Variants in ASIC2 observed in about 807,000 individuals in gnomAD.
The protein encoded by ASIC2 is acid sensing ion channel subunit 2.
A neutral mutation model predicts 57.3 loss-of-function variants in ASIC2; 25 were observed. The observed-to-expected ratio is 0.44, with a 90% CI of 0.32 to 0.61. The LOEUF (loss-of-function observed/expected upper bound fraction) is 0.61, where lower values mean the gene tolerates loss of function less well. Among genes scored for constraint, ASIC2 ranks in the 20% least tolerant of loss-of-function variants. ASIC2 has a pLI of 0.06. For synonymous variants in ASIC2, 319 were observed against 307.5 expected (o/e 1.04, Z -0.39); for missense variants, 641 against 738.1 (o/e 0.87, Z 1.52).
intron 1 of ASIC2, among the ~76,000 whole-genome samples, chr17:33,751,326 C>T (rs1910424688): frequency 6.6e-6 from 1 of 152,246 alleles, no homozygotes; most frequent in South Asian, 2.1e-4. Flanking sequence ...AGTGGCACTG[C>T]CAGGAATTGT....
intron 1 of ASIC2, among the ~76,000 whole-genome samples, chr17:33,491,346 A>G (rs2141934561): frequency 6.6e-6 from 1 of 152,262 alleles, no homozygotes; most frequent in African/African-American, 2.4e-5. Flanking sequence ...ACTTGTCAAG[A>G]GGATTTACCA....
intron 1 of ASIC2, among the ~76,000 whole-genome samples, chr17:33,579,548 A>T (rs1244500233): frequency 6.6e-6 from 1 of 152,106 alleles, no homozygotes; most frequent in Non-Finnish European, 1.5e-5. Flanking sequence ...TGCCTTCAAG[A>T]ATGAAAGGGC....
At chr17:33,907,343 T>C (rs317349) in intron 1 of ASIC2, among the ~76,000 whole-genome samples, 33,371 of 152,182 alleles carry the variant, frequency 0.22, 3,882 homozygotes, top group East Asian at 0.39. Flanking sequence ...ACAGACATCC[T>C]GAAAGATTGG....
At chr17:34,130,804 C>T (rs1911930318) in intron 1 of ASIC2, among the ~76,000 whole-genome samples, 1 of 152,198 alleles carries the variant, frequency 6.6e-6, no homozygotes, top group African/African-American at 2.4e-5. Context: ...TCAACAAATG[C>T]TTTTTGAAAT....
chr17:33,287,612 C>CAGCTGCAACAAAGAGAGG (rs1905249289), intron 1 of ASIC2, among the ~76,000 whole-genome samples: 1 of 152,210 alleles, frequency 6.6e-6, no homozygotes, highest in Non-Finnish European at 1.5e-5. Flanking sequence ...AACTCTTGCA[C>CAGCTGCAACAAAGAGAGG]AGCTGCAACA....
In ASIC2 at chr17:33,816,172, G is replaced by C. The variant is rs570330197; in HGVS notation, c.555+339806C>G. On this transcript the variant is annotated intron_variant, in intron 1 of 9. Coordinates refer to the ASIC2 transcript ENST00000359872. ...CTGAGTAGGAGCTCACCAACTGAAGGGGGGGCGGGTGGGGTAGAGAAAGTT... is the reference window on the plus strand; with the variant it reads ...CTGAGTAGGAGCTCACCAACTGAAGCGGGGGCGGGTGGGGTAGAGAAAGTT... 4.7e-5 allele frequency among the ~76,000 whole-genome samples: 7 copies of C among 148,232 alleles called. No homozygotes were observed. The South Asian group carries it at 1.5e-3, about 31-fold the overall frequency.
At chr17:33,638,904 C>T (rs1267257010) in intron 1 of ASIC2, among the ~76,000 whole-genome samples, 1 of 151,982 alleles carries the variant, frequency 6.6e-6, no homozygotes, top group African/African-American at 2.4e-5. Flanking sequence ...GTTGCAAAAC[C>T]TTCAAGGCCT....
intron 1 of ASIC2, among the ~76,000 whole-genome samples, chr17:34,148,071 G>A (rs1394647882): frequency 6.6e-6 from 1 of 152,152 alleles, no homozygotes; most frequent in African/African-American, 2.4e-5. Context: ...GAGGAAAAGA[G>A]AACTACAATA....
At chr17:33,638,495 C>A (rs188594048) in intron 1 of ASIC2, among the ~76,000 whole-genome samples, 3 of 152,050 alleles carry the variant, frequency 2.0e-5, no homozygotes, top group African/African-American at 4.8e-5. Context: ...TGTTGTCTGC[C>A]GAGGATGTAA....
intron 1 of ASIC2, among the ~76,000 whole-genome samples, chr17:33,673,658 G>A (rs1214130526): frequency 4.6e-5 from 7 of 151,854 alleles, no homozygotes; most frequent in Non-Finnish European, 4.4e-5. Flanking sequence ...TGAGATCCTC[G>A]CCCAGTCCCC....
rs1209526493 is a variant in ASIC2 at position 33,021,314 on chromosome 17, C to A, written c.1350-4G>T. The A allele has an allele frequency of 1.9e-6, 3 of 1,602,028 alleles. No homozygotes were observed. Among genetic ancestry groups the A allele is most frequent in the East Asian group, 4.5e-5 (2 of 44,834 alleles). ...ATCCAGAACAAGGATGTTCTCTCTG[C>A]AGAGAGAATAGTCAGTACCATACAT... On this transcript the variant is annotated splice_polypyrimidine_tract_variant and splice_region_variant and intron_variant, in intron 6 of 9. Transcript: ENST00000225823.
Position 33,301,676 on chromosome 17 carries a change from G to A in ASIC2, c.556-189609C>T, listed in dbSNP as rs375520398. 1.2e-4 allele frequency among the ~76,000 whole-genome samples: 18 copies of A among 152,278 alleles called. No homozygotes were observed. In the East Asian group the frequency reaches 2.3e-3, roughly 20 times the overall value. ...GAAAGAAAATATTAAATATTCATAT[G>A]AAATGTTAATTATTAAAAGGCAATT... On this transcript the variant is annotated intron_variant, in intron 1 of 9. Coordinates refer to the ASIC2 transcript ENST00000359872.
intron 1 of ASIC2, among the ~76,000 whole-genome samples, chr17:33,161,407 T>C (rs1011294578): frequency 1.3e-5 from 2 of 152,188 alleles, no homozygotes; most frequent in African/African-American, 4.8e-5. Context: ...CATGTCTGCT[T>C]AATACTATTC....
chr17:33,559,774 T>C (rs1424717514), intron 1 of ASIC2, among the ~76,000 whole-genome samples: 2 of 152,240 alleles, frequency 1.3e-5, no homozygotes, highest in African/African-American at 4.8e-5. Context: ...TATGGGTTTT[T>C]GCCCATCAGT....
At chr17:33,658,163 A>T (rs1199317475) in intron 1 of ASIC2, among the ~76,000 whole-genome samples, 1 of 152,196 alleles carries the variant, frequency 6.6e-6, no homozygotes, top group Non-Finnish European at 1.5e-5. Context: ...GCTACTCCTT[A>T]GAAGTGGCCT....
intron 1 of ASIC2, among the ~76,000 whole-genome samples, chr17:33,971,058 C>A (rs1905215141): frequency 1.3e-5 from 2 of 152,206 alleles, no homozygotes; most frequent in African/African-American, 2.4e-5. Context: ...ACTCCCATTT[C>A]TTTATGCTTC....
intron 2 of ASIC2, among the ~76,000 whole-genome samples, chr17:33,107,699 TACCCAA>T (rs1265904162): frequency 3.3e-4 from 50 of 152,390 alleles, no homozygotes; most frequent in African/African-American, 1.1e-3. Flanking sequence ...GGGCTGGGTC[TACCCAA>T]AGAGGGTGTC....
chr17:33,063,187 A>C (rs57654060), intron 3 of ASIC2, among the ~76,000 whole-genome samples: 2,669 of 152,300 alleles, frequency 0.018, 76 homozygotes, highest in African/African-American at 0.061. Flanking sequence ...GTTATGTGTG[A>C]ATTTGATCCT....
chr17:33,590,877 C>G (rs1280887713), intron 1 of ASIC2, among the ~76,000 whole-genome samples: 3 of 152,144 alleles, frequency 2.0e-5, no homozygotes, highest in Non-Finnish European at 4.4e-5. Flanking sequence ...AGTTGGTTTC[C>G]AAAGCTTGGT....
Sources: gnomAD v4.1 joint callset for allele counts (sites outside exome capture counted in the v4.1 genomes callset) on GRCh38, gnomAD v4.1.1 for gene constraint, MANE v1.5 for transcripts, NCBI Gene and HGNC (gene_info 2026-07-23, HGNC 2026-07-21) for gene names.